Variants in ZNF366 observed in about 807,000 individuals in gnomAD.
ZNF366 encodes the protein dendritic cell-specific transcript protein.
Under a neutral mutation model 47.2 loss-of-function variants are expected in ZNF366, and 20 were observed. The ratio of observed to expected loss-of-function variants is 0.42; its 90% CI spans 0.30 to 0.62. The LOEUF (loss-of-function observed/expected upper bound fraction) is 0.62. ZNF366 is among the 20% of genes least tolerant of loss of function. The pLI is 0.16. For missense variants in ZNF366, 987 were observed against 976.3 expected, an observed-to-expected ratio of 1.01 and a Z score of -0.15; for synonymous variants, 421 against 395.1, an observed-to-expected ratio of 1.07 and a Z score of -0.78.
At chr5:72,472,692 G>T in intron 1 of ZNF366, 1 of 573,748 alleles carries the variant, frequency 1.7e-6, no homozygotes, top group Non-Finnish European at 2.2e-6. Context: ...CTCCATTCCA[G>T]CCCTCCGAGT....
Position 72,460,675 on chromosome 5 carries a change from G to T in ZNF366, c.822C>A (p.Gly274=). ...ACGCGTGCGGCTTGATCCCACTGTGGCCCAGGATGTGGGTGACCAGGTTGT... is the reference window on the plus strand; with the variant it reads ...ACGCGTGCGGCTTGATCCCACTGTGTCCCAGGATGTGGGTGACCAGGTTGT... ...SKYNLVTHIL[G]HSGIKPHACT... is the part of the protein sequence containing the mutation. Residue 274 remains glycine (G), a synonymous_variant, in exon 2 of 5, where the codon GGC becomes GGA. Transcript: ENST00000318442. 1 of 1,614,234 alleles carries T rather than the reference G, an allele frequency of 6.2e-7. No homozygotes were observed.
At chr5:72,462,547 C>CTTTTTCTTTCTTTCT (rs1743343293) in intron 1 of ZNF366, among the ~76,000 whole-genome samples, 1 of 78,916 alleles carries the variant, frequency 1.3e-5, no homozygotes, top group Non-Finnish European at 2.2e-5. Flanking sequence ...TTCTTTCTTT[C>CTTTTTCTTTCTTTCT]TTTTTTTTTT....
At chr5:72,457,372 A>G (rs547023732) in intron 2 of ZNF366, among the ~76,000 whole-genome samples, 2 of 152,242 alleles carry the variant, frequency 1.3e-5, no homozygotes, top group East Asian at 1.9e-4. Flanking sequence ...CTGACTATCC[A>G]TTGCTTCCCC....
intron 3 of ZNF366, among the ~76,000 whole-genome samples, chr5:72,448,123 A>C (rs1355777450): frequency 6.6e-6 from 1 of 152,160 alleles, no homozygotes; most frequent in Non-Finnish European, 1.5e-5. Flanking sequence ...TGTATCAGAC[A>C]ATGCTTTTTA....
intron 1 of ZNF366, among the ~76,000 whole-genome samples, chr5:72,464,763 T>C (rs1743397299): frequency 6.6e-6 from 1 of 152,202 alleles, no homozygotes; most frequent in Non-Finnish European, 1.5e-5. Flanking sequence ...GAAGGTTTTT[T>C]AAAAAGTAGG....
chr5:72,472,335 T>A (rs1743583807), intron 1 of ZNF366, among the ~76,000 whole-genome samples: 1 of 152,252 alleles, frequency 6.6e-6, no homozygotes, highest in African/African-American at 2.4e-5. Context: ...TCAGAAACTA[T>A]TTTCTTTCAA....
At chr5:72,450,397 C>T (rs1743042526) in intron 3 of ZNF366, among the ~76,000 whole-genome samples, 2 of 152,116 alleles carry the variant, frequency 1.3e-5, no homozygotes, top group South Asian at 2.1e-4. Context: ...TAAACAGCAT[C>T]CCAGGGAGTC....
chr5:72,460,062 GT>G, intron 2 of ZNF366, 102 bp downstream of exon 2: 2 of 1,454,678 alleles, frequency 1.4e-6, no homozygotes, highest in Non-Finnish European at 1.8e-6. Flanking sequence ...CCTCCTCGGG[GT>G]AAGGTGCAGA....
chr5:72,465,903 T>C lies in ZNF366; in HGVS notation c.-14-4393A>G, dbSNP rs184724486. ...TTTTGAGGTTTGATTTTCTCATTCATGAAATGGGAGTTAGGATATCCTCAT... is the reference window on the plus strand; with the variant it reads ...TTTTGAGGTTTGATTTTCTCATTCACGAAATGGGAGTTAGGATATCCTCAT... On this transcript the variant is annotated intron_variant, in intron 1 of 4. Coordinates refer to ENST00000318442, the MANE Select transcript of ZNF366 (RefSeq NM_152625.3). Among the ~76,000 whole-genome samples, 3 of 152,326 alleles carry C rather than the reference T, an allele frequency of 2.0e-5. No individual in the cohort carries two copies. The East Asian group carries it at 5.8e-4, about 29-fold the overall frequency.
intron 1 of ZNF366, among the ~76,000 whole-genome samples, chr5:72,487,404 A>C (rs1267916485): frequency 6.6e-6 from 1 of 152,210 alleles, no homozygotes; most frequent in Non-Finnish European, 1.5e-5. Context: ...AATCAGAAAA[A>C]TATAATGAAT....
At chr5:72,455,318 G>A (rs762811531) in intron 3 of ZNF366, among the ~76,000 whole-genome samples, 15 of 152,054 alleles carry the variant, frequency 9.9e-5, no homozygotes, top group Non-Finnish European at 2.2e-4. Context: ...ACACTGCAGA[G>A]GTATTAAAGC....
chr5:72,485,203 AG>A (rs1416377773), intron 1 of ZNF366, among the ~76,000 whole-genome samples: 1 of 152,214 alleles, frequency 6.6e-6, no homozygotes, highest in African/African-American at 2.4e-5. Context: ...CACATGTTAG[AG>A]TGGTCATTTT....
At chr5:72,469,390 T>A (rs1743497736) in intron 1 of ZNF366, among the ~76,000 whole-genome samples, 1 of 152,246 alleles carries the variant, frequency 6.6e-6, no homozygotes, top group Non-Finnish European at 1.5e-5. Context: ...AAAAATGCTA[T>A]TCTGCACGTC....
intron 1 of ZNF366, among the ~76,000 whole-genome samples, chr5:72,467,869 G>T (rs561068625): frequency 1.3e-5 from 2 of 152,260 alleles, no homozygotes; most frequent in Admixed American, 1.3e-4. Flanking sequence ...GCAGGGAAAA[G>T]GTGAGAGTCA....
At chr5:72,459,859 C>T (rs1308071103) in intron 2 of ZNF366, among the ~76,000 whole-genome samples, 1 of 152,176 alleles carries the variant, frequency 6.6e-6, no homozygotes, top group Non-Finnish European at 1.5e-5. Context: ...ACCGAATCTG[C>T]AAGATTCTTG....
At chr5:72,470,339 A>G (rs975774224) in intron 1 of ZNF366, among the ~76,000 whole-genome samples, 1 of 152,178 alleles carries the variant, frequency 6.6e-6, no homozygotes, top group Admixed American at 6.5e-5. Context: ...TTGACATTTC[A>G]TTGGCTGTAT....
In ZNF366 at chr5:72,460,852, C is replaced by T; in HGVS notation, c.645G>A (p.Arg215=). The change falls in exon 2 of 5, where the codon CGG becomes CGA. Residue 215 remains arginine, a synonymous_variant. Transcript: ENST00000318442. ...CCTCGCTCTCCTGGGGCTCGGCTTT[C>T]CGGGGCAGCAGAGGTTCCGGGGGCT... ...PKQPPEPLLP[R]KAEPQESEET... is the part of the protein sequence containing the mutation. The T allele has an allele frequency of 6.2e-7, 1 of 1,614,080 alleles. No individual in the cohort carries two copies.
At chr5:72,484,495 A>AAAAAATAATAATAATAAT (rs1313925109) in intron 1 of ZNF366, among the ~76,000 whole-genome samples, 3 of 145,816 alleles carry the variant, frequency 2.1e-5, no homozygotes, top group African/African-American at 5.1e-5. Flanking sequence ...AAAAAAAAAA[A>AAAAAATAATAATAATAAT]AATAATAATA....
chr5:72,491,198 C>T (rs1006249635), intron 1 of ZNF366, among the ~76,000 whole-genome samples: 5 of 152,208 alleles, frequency 3.3e-5, no homozygotes, highest in Admixed American at 1.3e-4. Context: ...GTAGAGCTGG[C>T]CCACAGCCCC....
Sources: allele counts gnomAD v4.1 joint callset (sites outside exome capture counted in the v4.1 genomes callset), GRCh38; gene constraint gnomAD v4.1.1; transcripts MANE v1.5; gene names NCBI Gene and HGNC (gene_info 2026-07-23, HGNC 2026-07-21).